Variants in FNDC3B observed in about 807,000 individuals in gnomAD.
The protein encoded by FNDC3B is fibronectin type III domain containing 3B, also known as fibronectin type III domain-containing protein 3B.
A neutral mutation model predicts 151.5 loss-of-function variants in FNDC3B; 12 were observed. That is an observed-to-expected ratio of 0.08 (90% CI 0.05 to 0.13). FNDC3B has a LOEUF of 0.13. Ranked by LOEUF, FNDC3B falls within the 10% of genes least tolerant of loss-of-function variation. FNDC3B has a pLI of 1.00. For missense variants in FNDC3B, 1,214 were observed against 1,505.3 expected, an observed-to-expected ratio of 0.81 and a Z score of 3.20; for synonymous variants, 528 against 549.0, an observed-to-expected ratio of 0.96 and a Z score of 0.54.
chr3:172,069,861 G>A (rs567184409), intron 1 of FNDC3B, among the ~76,000 whole-genome samples: 6 of 152,258 alleles, frequency 3.9e-5, no homozygotes, highest in Non-Finnish European at 7.4e-5. Context: ...AAATACCACC[G>A]TATTTCCAAA....
rs367817810 is a variant in FNDC3B, at chr3:172,247,795, G to A, written c.508+19G>A. 22 of 1,613,620 alleles carry A rather than the reference G, an allele frequency of 1.4e-5. No homozygotes were observed. Among genetic ancestry groups the A allele is most frequent in the Non-Finnish European group, 1.9e-5 (22 of 1,179,724 alleles). The stretch of plus-strand genomic sequence containing the variant: ...GAGCAAGGTGAGTAGATTTTCGTTG[G>A]CGTCAGGAGCCGTTGAAACTGATTA... On this transcript the variant is annotated intron_variant, in intron 5 of 25. Coordinates refer to ENST00000415807, the MANE Select transcript of FNDC3B (RefSeq NM_022763.4).
intron 3 of FNDC3B, among the ~76,000 whole-genome samples, chr3:172,145,811 C>G (rs28579012): frequency 8.8e-6 from 1 of 114,176 alleles, no homozygotes; most frequent in Non-Finnish European, 1.8e-5. Flanking sequence ...AGGTTTCTTT[C>G]TTTTTTTTTT....
In FNDC3B at chr3:172,151,507, T is replaced by G. The variant is rs115790030; in HGVS notation, c.187+17961T>G. Among the ~76,000 whole-genome samples the G allele has an allele frequency of 9.7e-3, 1,480 of 152,298 alleles. 19 individuals are homozygous for G. The highest frequency in any genetic ancestry group is 0.034 in the African/African-American group (1,415 of 41,552). On this transcript the variant is annotated intron_variant, in intron 3 of 25. Transcript: ENST00000415807. ...ACAGTGTTAACCAAGAGAGATATAT[T>G]ACCTTTGGATCTAGCCCATCTACCT...
intron 12 of FNDC3B, chr3:172,330,338 G>T: frequency 2.1e-6 from 1 of 484,648 alleles, no homozygotes. Flanking sequence ...CTTGGTGTGT[G>T]TGTCTAGTAG....
At chr3:172,382,420 C>T (rs1274956955) in intron 25 of FNDC3B, among the ~76,000 whole-genome samples, 1 of 152,070 alleles carries the variant, frequency 6.6e-6, no homozygotes, top group Non-Finnish European at 1.5e-5. Flanking sequence ...CTGAAGGTTG[C>T]CTGTTCACTC....
intron 3 of FNDC3B, among the ~76,000 whole-genome samples, chr3:172,178,871 G>A (rs1196577953): frequency 1.3e-5 from 2 of 152,088 alleles, no homozygotes; most frequent in African/African-American, 2.4e-5. Flanking sequence ...CCCCTTCAGC[G>A]CCTCCACATA....
At chr3:172,336,807 G>T (rs1009838071) in intron 15 of FNDC3B, among the ~76,000 whole-genome samples, 4 of 151,752 alleles carry the variant, frequency 2.6e-5, no homozygotes, top group Admixed American at 2.6e-4. Context: ...GGAGGCTGAG[G>T]AAGGAGACTC....
Position 172,330,503 on chromosome 3 carries a change from A to G in FNDC3B, c.1380-38A>G, listed in dbSNP as rs376167877. On this transcript the variant is annotated intron_variant, in intron 12 of 25. Transcript: ENST00000415807. ...CTTTTAAAATGCCAAGCCTCTTCAC[A>G]TGCTTCTAACTGTGTGCCTCACTTT... The G allele has an allele frequency of 1.6e-4, 257 of 1,562,050 alleles. No individual in the cohort carries two copies. In the African/African-American group the frequency reaches 3.2e-3, roughly 19 times the overall value.
At chr3:172,062,115 T>G (rs1217140471) in intron 1 of FNDC3B, among the ~76,000 whole-genome samples, 1 of 152,172 alleles carries the variant, frequency 6.6e-6, no homozygotes, top group African/African-American at 2.4e-5. Context: ...ATAAAGGACA[T>G]GTCCGGAAGC....
At chr3:172,262,555 T>C (rs1728699074) in intron 6 of FNDC3B, among the ~76,000 whole-genome samples, 1 of 152,194 alleles carries the variant, frequency 6.6e-6, no homozygotes, top group African/African-American at 2.4e-5. Context: ...AATGATATTT[T>C]AGAGTTTTGA....
chr3:172,369,549 A>G (rs992779313), intron 23 of FNDC3B, among the ~76,000 whole-genome samples: 1 of 152,192 alleles, frequency 6.6e-6, no homozygotes, highest in Non-Finnish European at 1.5e-5. Flanking sequence ...TCTCTTAGAA[A>G]AGGAGCATAA....
At chr3:172,149,169 C>T (rs1450392421) in intron 3 of FNDC3B, among the ~76,000 whole-genome samples, 1 of 152,184 alleles carries the variant, frequency 6.6e-6, no homozygotes, top group Non-Finnish European at 1.5e-5. Flanking sequence ...AACTCTGCAC[C>T]TTCCACAGAC....
chr3:172,075,847 G>A lies in FNDC3B; in HGVS notation c.-29+36076G>A, dbSNP rs148791577. On this transcript the variant is annotated intron_variant, in intron 1 of 25. Transcript: ENST00000415807. ...TTTCCTTTGTGATGCAATTCTATTCGATTTTATTTAAAAGAATGCCAGTCA... is the reference window on the plus strand; with the variant it reads ...TTTCCTTTGTGATGCAATTCTATTCAATTTTATTTAAAAGAATGCCAGTCA... 9.5e-3 allele frequency among the ~76,000 whole-genome samples: 1,440 copies of A among 151,102 alleles called. 26 individuals carry two copies. The highest frequency in any genetic ancestry group is 0.034 in the African/African-American group (1,381 of 41,094).
intron 12 of FNDC3B, 141 bp downstream of exon 12, chr3:172,329,217 A>G: frequency 4.2e-6 from 4 of 961,232 alleles, no homozygotes; most frequent in Non-Finnish European, 6.3e-6. Flanking sequence ...AATCCTAATC[A>G]GAGGAGAGAA....
chr3:172,253,841 G>A (rs1046253995), intron 6 of FNDC3B, among the ~76,000 whole-genome samples: 3 of 151,748 alleles, frequency 2.0e-5, no homozygotes, highest in African/African-American at 4.8e-5. Flanking sequence ...GTGCAGTGGT[G>A]TGATCTCAGC....
intron 1 of FNDC3B, among the ~76,000 whole-genome samples, chr3:172,076,782 G>A (rs532596781): frequency 6.6e-6 from 1 of 152,204 alleles, no homozygotes; most frequent in African/African-American, 2.4e-5. Flanking sequence ...GGCATCAAGA[G>A]GGGTCTTTAA....
chr3:172,175,374 G>A (rs1723529159), intron 3 of FNDC3B, among the ~76,000 whole-genome samples: 1 of 152,084 alleles, frequency 6.6e-6, no homozygotes, highest in South Asian at 2.1e-4. Context: ...CCTATACGTG[G>A]TAGGTAGGCG....
chr3:172,268,495 A>G (rs1278707275), intron 6 of FNDC3B, among the ~76,000 whole-genome samples: 1 of 152,238 alleles, frequency 6.6e-6, no homozygotes, highest in Non-Finnish European at 1.5e-5. Context: ...ATGTGGTATC[A>G]GCCAAGATAA....
At chr3:172,390,614 C>CT (rs1029257102) in intron 25 of FNDC3B, among the ~76,000 whole-genome samples, 36 of 151,410 alleles carry the variant, frequency 2.4e-4, no homozygotes, top group African/African-American at 8.7e-4. Flanking sequence ...GCTGAGCCCA[C>CT]TTTTTAAAAG....
Sources: allele counts gnomAD v4.1 joint callset (sites outside exome capture counted in the v4.1 genomes callset), GRCh38; gene constraint gnomAD v4.1.1; transcripts MANE v1.5; gene names NCBI Gene and HGNC (gene_info 2026-07-23, HGNC 2026-07-21).